The following MBP variants were observed in gnomAD, a reference collection of about 807,000 sequenced individuals.
The protein encoded by MBP is Golli-MBP.
MBP carries 16 observed loss-of-function variants against 35.8 expected under a neutral mutation model. The observed-to-expected ratio is 0.45, with a 90% CI of 0.30 to 0.68. The LOEUF (loss-of-function observed/expected upper bound fraction) is 0.68. Ranked by LOEUF, MBP falls within the 30% of genes least tolerant of loss-of-function variation. The probability of loss-of-function intolerance (pLI) is 0.08; values close to 1 mark genes in which losing one functional copy is unlikely to be tolerated. For missense variants in MBP, 380 were observed against 404.7 expected, an observed-to-expected ratio of 0.94 and a Z score of 0.52; for synonymous variants, 143 against 159.6, an observed-to-expected ratio of 0.90 and a Z score of 0.78.
chr18:77,044,592 G>A lies in MBP; in HGVS notation c.139+21706C>T, dbSNP rs976231521. On this transcript the variant is annotated intron_variant, in intron 3 of 8. Coordinates refer to ENST00000355994, the MANE Select transcript of MBP (RefSeq NM_001025101.2). The surrounding 1 kb of genome is among the most constrained non-coding windows in gnomAD (Gnocchi z 4.4). ...GCCTCCCTACCCCACCTCCCTCCTC[G>A]CACCTGGGACGCAGGTGCCCTCCGG... Among the ~76,000 whole-genome samples, 3 of 151,944 alleles carry A rather than the reference G, an allele frequency of 2.0e-5. No individual in the cohort carries two copies. The highest frequency in any genetic ancestry group is 4.4e-5 in the Non-Finnish European group (3 of 67,966).
rs373441047 is a variant in MBP, at chr18:77,013,742, C to T, written c.576+3090G>A. 3.0e-5 allele frequency: 30 copies of T among 985,298 alleles called. No individual in the cohort carries two copies. In the East Asian group the frequency reaches 5.7e-4, roughly 19 times the overall value. 61.0% of individuals were successfully genotyped at this position (985,298 alleles called of 1,614,324 possible). ...TTTCGAAAACCTCCCTAAAAGTACA[C>T]GGCACGGAGAAGTGGGGTACTGGGA... On this transcript the variant is annotated intron_variant, in intron 4 of 8. Coordinates refer to ENST00000355994, the MANE Select transcript of MBP (RefSeq NM_001025101.2).
intron 7 of MBP, chr18:76,985,209 C>T (rs748136676): frequency 9.2e-6 from 13 of 1,418,880 alleles, no homozygotes; most frequent in East Asian, 3.6e-5. Context: ...CTTACCTTCA[C>T]GCTGTGGGGT....
At chr18:77,128,598 C>A (rs1321227706) in intron 1 of MBP, among the ~76,000 whole-genome samples, 1 of 151,938 alleles carries the variant, frequency 6.6e-6, no homozygotes, top group Non-Finnish European at 1.5e-5. Flanking sequence ...AATCTGAAAT[C>A]TGAACAAAGT....
At chr18:76,987,723 T>A in intron 7 of MBP, 2 of 996,228 alleles carry the variant, frequency 2.0e-6, no homozygotes, top group Non-Finnish European at 2.4e-6. Flanking sequence ...TTCCTCCATT[T>A]TATTCTAAAA....
At chr18:77,028,543 C>T (rs1487758474) in intron 3 of MBP, among the ~76,000 whole-genome samples, 1 of 95,830 alleles carries the variant, frequency 1.0e-5, no homozygotes, top group Non-Finnish European at 2.6e-5. Context: ...GGCAGAGGGG[C>T]TCCTCACTTC....
chr18:77,001,436 C>T (rs533085199), intron 4 of MBP, among the ~76,000 whole-genome samples: 11 of 152,368 alleles, frequency 7.2e-5, no homozygotes, highest in Non-Finnish European at 1.0e-4. Flanking sequence ...AGGGTACCCA[C>T]GCTGCAGTTT....
intron 4 of MBP, among the ~76,000 whole-genome samples, chr18:76,998,159 C>A (rs1313956257): frequency 1.3e-5 from 2 of 152,232 alleles, no homozygotes; most frequent in African/African-American, 4.8e-5. Context: ...ACCTGGCCCC[C>A]ATGAAACACT....
chr18:76,988,208 G>A lies in MBP; in HGVS notation c.750+287C>T. On this transcript the variant is annotated intron_variant, in intron 7 of 8. Transcript: ENST00000355994. This position sits in a 1 kb window ranked among gnomAD's most constrained non-coding sequence, Gnocchi z 5.2. ...ACGTGGTGTTGCTCCCTCCCTGGGA[G>A]GGAGACCAGTCACGTCGCCTGGGAA... 3.2e-6 allele frequency: 5 copies of A among 1,548,144 alleles called. No individual in the cohort carries two copies. The highest frequency in any genetic ancestry group is 4.4e-6 in the Non-Finnish European group (5 of 1,146,948).
intron 4 of MBP, among the ~76,000 whole-genome samples, chr18:76,993,551 A>G (rs112502903): frequency 1.8e-5 from 1 of 56,870 alleles, no homozygotes; most frequent in South Asian, 5.8e-4. Context: ...CTTTGTCTCC[A>G]AAAAAAAAAA....
intron 3 of MBP, among the ~76,000 whole-genome samples, chr18:77,054,842 A>G (rs1030660218): frequency 1.3e-5 from 2 of 152,036 alleles, no homozygotes; most frequent in African/African-American, 4.8e-5. Context: ...GCGGTGGGTA[A>G]TGTCACCATG....
chr18:77,008,136 C>G (rs1272138389), intron 4 of MBP, among the ~76,000 whole-genome samples: 1 of 152,156 alleles, frequency 6.6e-6, no homozygotes, highest in South Asian at 2.1e-4. Flanking sequence ...CCTGCCAGCG[C>G]GTCACACACT....
At chr18:77,128,520 A>ACCACAC (rs1977133521) in intron 1 of MBP, among the ~76,000 whole-genome samples, 2 of 99,452 alleles carry the variant, frequency 2.0e-5, no homozygotes, top group African/African-American at 1.0e-4. Context: ...GCACGTGCAT[A>ACCACAC]CCACACACAC....
At chr18:77,033,746 G>A (rs946652466) in intron 3 of MBP, among the ~76,000 whole-genome samples, 1 of 129,708 alleles carries the variant, frequency 7.7e-6, no homozygotes, top group African/African-American at 3.0e-5. Context: ...ATCTACCTAT[G>A]CATCAATCCA....
At chr18:76,991,393 G>A (rs192377944) in intron 4 of MBP, among the ~76,000 whole-genome samples, 142 of 152,282 alleles carry the variant, frequency 9.3e-4, no homozygotes, top group African/African-American at 3.2e-3. Flanking sequence ...CGGGGGCAGG[G>A]GAACACAGGG....
intron 3 of MBP, among the ~76,000 whole-genome samples, chr18:77,060,170 C>T (rs1002797459): frequency 6.6e-6 from 1 of 152,160 alleles, no homozygotes; most frequent in Non-Finnish European, 1.5e-5. Context: ...TTTGTTTTCT[C>T]TAACCTCCTG....
chr18:76,980,264 T>C lies in MBP; in HGVS notation c.*163A>G. 1 of 742,602 alleles carries C rather than the reference T, an allele frequency of 1.3e-6. No homozygotes were observed. Among genetic ancestry groups the C allele is most frequent in the African/African-American group, 1.7e-5 (1 of 57,668 alleles). The allele number at this position is 742,602 out of a possible 1,614,324, so 46.0% of individuals were successfully genotyped here. On this transcript the variant is annotated 3_prime_UTR_variant, in exon 9 of 9. Transcript: ENST00000355994. ...TTCTCATTTAACTGTTGGCCGGAAA[T>C]TGCCGGTAGGCTGCCGTGGCCTGAC...
intron 7 of MBP, chr18:76,986,945 G>A: frequency 1.0e-6 from 1 of 985,434 alleles, no homozygotes; most frequent in Non-Finnish European, 1.2e-6. Context: ...GAAAGTGGGG[G>A]CTCTCTGGAA....
chr18:77,090,142 A>G (rs1055816853), intron 2 of MBP, among the ~76,000 whole-genome samples: 2 of 152,210 alleles, frequency 1.3e-5, no homozygotes, highest in Admixed American at 1.3e-4. Context: ...CCTTAAACGA[A>G]GGTGTAAACT....
At chr18:77,094,502 T>C (rs1975677561) in intron 2 of MBP, among the ~76,000 whole-genome samples, 2 of 152,226 alleles carry the variant, frequency 1.3e-5, no homozygotes, top group African/African-American at 4.8e-5. Context: ...CCACGTTAAA[T>C]GACGACTGTA....
Sources: allele counts gnomAD v4.1 joint callset (sites outside exome capture counted in the v4.1 genomes callset), GRCh38; gene constraint gnomAD v4.1.1; non-coding constraint Gnocchi (gnomAD v3.1); transcripts MANE v1.5; gene names NCBI Gene and HGNC (gene_info 2026-07-23, HGNC 2026-07-21).